Variants in GNL1 observed in about 807,000 individuals in gnomAD.
GNL1 encodes the protein G protein nucleolar 1, also known as guanine nucleotide-binding protein-like 1.
In GNL1, 21 loss-of-function variants were observed where a neutral mutation model predicts 75.2. The observed-to-expected ratio is 0.28, with a 90% confidence interval of 0.20 to 0.40. The LOEUF is 0.40. Ranked by LOEUF, GNL1 falls within the 10% of genes least tolerant of loss-of-function variation. The probability of loss-of-function intolerance (pLI) is 1.00; values close to 1 mark genes in which losing one functional copy is unlikely to be tolerated. For synonymous variants in GNL1, 287 were observed against 303.4 expected, an observed-to-expected ratio of 0.95 and a Z score of 0.56; for missense variants, 579 against 775.0, an observed-to-expected ratio of 0.75 and a Z score of 3.00.
chr6:30,552,114 T>C lies in GNL1; in HGVS notation c.1099+353A>G. 4.0e-6 allele frequency: 1 copy of C among 247,426 alleles called. No individual in the cohort carries two copies. The highest frequency in any genetic ancestry group is 7.7e-5 in the East Asian group (1 of 13,058). 15.3% of individuals were successfully genotyped at this position (247,426 alleles called of 1,614,324 possible). Reference sequence around the variant, plus strand: ...CCTGGTCTCAAGCAATCCTCCCACCTCAGCCTCCCAAAGCGCTGGGACTAT... The same window carrying C: ...CCTGGTCTCAAGCAATCCTCCCACCCCAGCCTCCCAAAGCGCTGGGACTAT... On this transcript the variant is annotated intron_variant, in intron 8 of 11. Coordinates refer to ENST00000376621, the MANE Select transcript of GNL1 (RefSeq NM_005275.5). This position sits in a 1 kb window ranked among gnomAD's most constrained non-coding sequence, Gnocchi z 4.5.
Position 30,555,248 on chromosome 6 carries a change from T to C in GNL1, c.240-57A>G. On this transcript the variant is annotated intron_variant, in intron 2 of 11. Transcript: ENST00000376621. The surrounding 1 kb of genome is among the most constrained non-coding windows in gnomAD (Gnocchi z 4.3). Reference sequence around the variant, plus strand: ...AATCCTGTGGCCACAAACTCCTATTTTCTCCCCTCTTGTACAATCAACTTC... The same window carrying C: ...AATCCTGTGGCCACAAACTCCTATTCTCTCCCCTCTTGTACAATCAACTTC... 6.2e-7 allele frequency: 1 copy of C among 1,604,384 alleles called. No homozygotes were observed. Among genetic ancestry groups the C allele is most frequent in the Non-Finnish European group, 8.5e-7 (1 of 1,172,906 alleles).
chr6:30,552,499 T>A lies in GNL1; in HGVS notation c.1067A>T (p.Tyr356Phe). The change falls in exon 8 of 12, where the codon TAC becomes TTC. Residue 356 changes from tyrosine (Y) to phenylalanine (F), a missense_variant. Physicochemically the swap from Tyr to Phe is conservative, Grantham distance 22 (BLOSUM62 3). Transcript: ENST00000376621. The surrounding 1 kb of genome is among the most constrained non-coding windows in gnomAD (Gnocchi z 4.5). ...GCCGATGGTCACCACCCCATCCTTGTAGCGCTCTTGGGTTGGGCCAGTTGG... is the reference window on the plus strand; with the variant it reads ...GCCGATGGTCACCACCCCATCCTTGAAGCGCTCTTGGGTTGGGCCAGTTGG... ...MEPTGPTQER[Y>F]KDGVVTIGCV... is the part of the protein sequence containing the mutation. 3.1e-6 allele frequency: 5 copies of A among 1,614,042 alleles called. No homozygotes were observed. Among genetic ancestry groups the A allele is most frequent in the Non-Finnish European group, 4.2e-6 (5 of 1,179,918 alleles).
intron 8 of GNL1, among the ~76,000 whole-genome samples, chr6:30,550,949 C>A (rs1462417541): frequency 6.6e-6 from 1 of 152,188 alleles, no homozygotes; most frequent in African/African-American, 2.4e-5. Flanking sequence ...CTCTCAGTCA[C>A]TCTCTATCCC....
intron 8 of GNL1, among the ~76,000 whole-genome samples, chr6:30,550,213 C>G (rs1468614505): frequency 6.6e-6 from 1 of 152,152 alleles, no homozygotes; most frequent in Non-Finnish European, 1.5e-5. Context: ...GTCCTCTTCT[C>G]TCCCCTAAGC....
chr6:30,546,198 C>A lies in GNL1; in HGVS notation c.1698G>T (p.Glu566Asp). 6.5e-7 allele frequency: 1 copy of A among 1,547,034 alleles called. No homozygotes were observed. The highest frequency in any genetic ancestry group is 8.8e-7 in the Non-Finnish European group (1 of 1,136,532). The change falls in exon 12 of 12, where the codon GAG (glutamate) becomes GAT (aspartate). Residue 566 changes from glutamate to aspartate, a missense_variant. Physicochemically the swap from Glu to Asp is conservative, Grantham distance 45. Coordinates refer to ENST00000376621, the MANE Select transcript of GNL1 (RefSeq NM_005275.5). The surrounding 1 kb of genome is among the most constrained non-coding windows in gnomAD (Gnocchi z 5.1). ...EEEELSSSCE[E>D]EGEEDRDADE... ...CCGCATCCCGGTCCTCCTCTCCCTC[C>A]TCCTCACAGGAGCTGCTCAGCTCTT...
rs539992370 is a variant in GNL1 at position 30,542,327 on chromosome 6, A to G, written c.*3745T>C. On this transcript the variant is annotated 3_prime_UTR_variant, in exon 12 of 12. Coordinates refer to ENST00000376621, the MANE Select transcript of GNL1 (RefSeq NM_005275.5). This position sits in a 1 kb window ranked among gnomAD's most constrained non-coding sequence, Gnocchi z 4.5. ...CTTCCTCCCCTAGCTTCATCACACC[A>G]CGTTACTAGGTTTTTCCTGTCTCAC... 1 of 151,536 alleles carries G rather than the reference A, an allele frequency of 6.6e-6. No individual in the cohort carries two copies. The highest frequency in any genetic ancestry group is 1.9e-4 in the East Asian group (1 of 5,138). 9.4% of individuals were successfully genotyped at this position (151,536 alleles called of 1,614,324 possible).
chr6:30,545,976 A>C lies in GNL1; in HGVS notation c.*96T>G. On this transcript the variant is annotated 3_prime_UTR_variant, in exon 12 of 12. Coordinates refer to ENST00000376621, the MANE Select transcript of GNL1 (RefSeq NM_005275.5). ...CTGGGGAAGGGGCTACAAAGCAAACAATCTTTATTCACAATTGGGGTGGCA... is the reference window on the plus strand; with the variant it reads ...CTGGGGAAGGGGCTACAAAGCAAACCATCTTTATTCACAATTGGGGTGGCA... The C allele has an allele frequency of 1.1e-6, 1 of 884,908 alleles. No individual in the cohort carries two copies. The highest frequency in any genetic ancestry group is 1.6e-5 in the South Asian group (1 of 64,512). The allele number at this position is 884,908 out of a possible 1,614,324, so 54.8% of individuals were successfully genotyped here. A position where few individuals can be genotyped will look rare whatever the true frequency, so the allele number is the denominator to read the frequency against.
At position 30,541,768 on chromosome 6, in the gene GNL1, C is replaced by T. The variant is rs139676137; in HGVS notation, c.*4304G>A. 41 of 152,344 alleles carry T rather than the reference C, an allele frequency of 2.7e-4. No individual in the cohort carries two copies. The highest frequency in any genetic ancestry group is 9.4e-4 in the African/African-American group (39 of 41,572). 9.4% of individuals were successfully genotyped at this position (152,344 alleles called of 1,614,324 possible). A position where few individuals can be genotyped will look rare whatever the true frequency, so the allele number is the denominator to read the frequency against. ...GCATATTGCAGTTACTCGTATATTA[C>T]TGACACTGGAACAGACATGTTTTAA... On this transcript the variant is annotated 3_prime_UTR_variant, in exon 12 of 12. Transcript: ENST00000376621.
In GNL1 at chr6:30,556,338, GC is replaced by G; in HGVS notation, c.-136del. ...GCTAGCAGGTGACGTCAGCGGGCGG[GC>G]CCGACAGAATTACCGCCGCGGCGGC... On this transcript the variant is annotated 5_prime_UTR_variant, in exon 1 of 12. Coordinates refer to ENST00000376621, the MANE Select transcript of GNL1 (RefSeq NM_005275.5). The surrounding 1 kb of genome is among the most constrained non-coding windows in gnomAD (Gnocchi z 5.7). The G allele has an allele frequency of 1.0e-6, 1 of 986,746 alleles. No individual in the cohort carries two copies. The allele number at this position is 986,746 out of a possible 1,614,324, so 61.1% of individuals were successfully genotyped here. A position where few individuals can be genotyped will look rare whatever the true frequency, so the allele number is the denominator to read the frequency against.
Position 30,555,460 on chromosome 6 carries a change from C to A in GNL1, c.239+95G>T. ...TAGCGGAGAACTGTGGCATCCCAGG[C>A]CCACCGTCTTCACCAGTAGCAGCCC... On this transcript the variant is annotated intron_variant, in intron 2 of 11. Coordinates refer to ENST00000376621, the MANE Select transcript of GNL1 (RefSeq NM_005275.5). This position sits in a 1 kb window ranked among gnomAD's most constrained non-coding sequence, Gnocchi z 4.3. The A allele has an allele frequency of 3.2e-6, 4 of 1,264,412 alleles. No individual in the cohort carries two copies. The highest frequency in any genetic ancestry group is 4.4e-6 in the Non-Finnish European group (4 of 899,332). The allele number at this position is 1,264,412 out of a possible 1,614,324, so 78.3% of individuals were successfully genotyped here.
In GNL1 at chr6:30,546,847, A is replaced by G; in HGVS notation, c.1442-11T>C. 2 of 1,581,320 alleles carry G rather than the reference A, an allele frequency of 1.3e-6. No individual in the cohort carries two copies. Among genetic ancestry groups the G allele is most frequent in the Non-Finnish European group, 1.7e-6 (2 of 1,159,362 alleles). On this transcript the variant is annotated splice_polypyrimidine_tract_variant and intron_variant, in intron 10 of 11. Transcript: ENST00000376621. This position sits in a 1 kb window ranked among gnomAD's most constrained non-coding sequence, Gnocchi z 5.1. ...GTTTCTCTGCCCAGGCTGGAGGAAG[A>G]AAAGAATAATGGAAAGGGAAAGCAT...
intron 5 of GNL1, among the ~76,000 whole-genome samples, chr6:30,553,791 AACAAG>A (rs940936993): frequency 6.6e-6 from 1 of 152,218 alleles, no homozygotes; most frequent in African/African-American, 2.4e-5. Context: ...ATGAACCCAA[AACAAG>A]ACAAGGAAAC....
At position 30,541,664 on chromosome 6, in the gene GNL1, G is replaced by A. The variant is rs751909540; in HGVS notation, c.*4408C>T. 1 of 152,248 alleles carries A rather than the reference G, an allele frequency of 6.6e-6. No homozygotes were observed. The highest frequency in any genetic ancestry group is 1.5e-5 in the Non-Finnish European group (1 of 68,040). The allele number at this position is 152,248 out of a possible 1,614,324, so 9.4% of individuals were successfully genotyped here. On this transcript the variant is annotated 3_prime_UTR_variant, in exon 12 of 12. Transcript: ENST00000376621. ...GCTGCAAAGCTTCTCAAATGCAGCGGGAAGTCCATTTACCAACGGCTGTTG... is the reference window on the plus strand; with the variant it reads ...GCTGCAAAGCTTCTCAAATGCAGCGAGAAGTCCATTTACCAACGGCTGTTG...
Position 30,553,538 on chromosome 6 carries a change from G to T in GNL1, c.620C>A (p.Ala207Glu), listed in dbSNP as rs1467962715. 7 of 1,612,356 alleles carry T rather than the reference G, an allele frequency of 4.3e-6. No homozygotes were observed. The highest frequency in any genetic ancestry group is 5.9e-6 in the Non-Finnish European group (7 of 1,179,406). ...IRHPVVNFPP[A>E]LYEYVTGELG... The stretch of plus-strand genomic sequence containing the variant: ...TTCTCCAGTCACATACTCATAAAGT[G>T]CTGGCGGGAAATTCACAACCTAGGA... Residue 207 changes from alanine (A) to glutamate (E), a missense_variant, in exon 6 of 12, where the codon GCA becomes GAA. Ala to Glu is a moderately radical substitution (Grantham distance 107). Transcript: ENST00000376621.
Position 30,553,158 on chromosome 6 carries a change from C to G in GNL1, c.830G>C (p.Arg277Pro), listed in dbSNP as rs201780688. The G allele has an allele frequency of 6.8e-6, 11 of 1,613,320 alleles. No homozygotes were observed. The highest frequency in any genetic ancestry group is 4.0e-5 in the African/African-American group (3 of 74,922). Residue 277 changes from arginine to proline, a missense_variant, in exon 7 of 12, where the codon CGG becomes CCG. Transcript: ENST00000376621. ...CAGGGCCCGAGTCCATCCTCTCCCC[C>G]GCCTCCGACTCTTCTTCAAGACTGA... ...PSSVLKKSRR[R>P]GRGWTRALGP...
At chr6:30,549,539 CCA>C (rs1288005809) in intron 8 of GNL1, among the ~76,000 whole-genome samples, 2 of 152,162 alleles carry the variant, frequency 1.3e-5, no homozygotes, top group East Asian at 1.9e-4. Context: ...TGGGCCTACT[CCA>C]GTTTGGCTTT....
In GNL1 at chr6:30,546,560, A is replaced by G; in HGVS notation, c.1582+136T>C. The G allele has an allele frequency of 1.3e-6, 1 of 780,524 alleles. No homozygotes were observed. The highest frequency in any genetic ancestry group is 2.1e-6 in the Non-Finnish European group (1 of 469,036). 48.3% of individuals were successfully genotyped at this position (780,524 alleles called of 1,614,324 possible). A position where few individuals can be genotyped will look rare whatever the true frequency, so the allele number is the denominator to read the frequency against. ...ATTACCCTCAGTTTGCAGATCAGGAAAATATCACAGATGTTAAGTAACAGA... is the reference window on the plus strand; with the variant it reads ...ATTACCCTCAGTTTGCAGATCAGGAGAATATCACAGATGTTAAGTAACAGA... On this transcript the variant is annotated intron_variant, in intron 11 of 11. Coordinates refer to ENST00000376621, the MANE Select transcript of GNL1 (RefSeq NM_005275.5). The surrounding 1 kb of genome is among the most constrained non-coding windows in gnomAD (Gnocchi z 5.1).
Position 30,552,977 on chromosome 6 carries a change from C to T in GNL1, c.904+107G>A, listed in dbSNP as rs1179556719. The T allele has an allele frequency of 3.7e-6, 3 of 801,576 alleles. No homozygotes were observed. The highest frequency in any genetic ancestry group is 6.3e-6 in the Non-Finnish European group (3 of 476,406). The allele number at this position is 801,576 out of a possible 1,614,324, so 49.7% of individuals were successfully genotyped here. A position where few individuals can be genotyped will look rare whatever the true frequency, so the allele number is the denominator to read the frequency against. On this transcript the variant is annotated intron_variant, in intron 7 of 11. Transcript: ENST00000376621. This position sits in a 1 kb window ranked among gnomAD's most constrained non-coding sequence, Gnocchi z 4.5. Reference sequence around the variant, plus strand: ...TTCTGTCCCTTCCCCTGGCCTCTTGCACATATCCACCATAGAGGGGTTGGC... The same window carrying T: ...TTCTGTCCCTTCCCCTGGCCTCTTGTACATATCCACCATAGAGGGGTTGGC...
At position 30,546,779 on chromosome 6, in the gene GNL1, C is replaced by T; in HGVS notation, c.1499G>A (p.Arg500Lys). 6.2e-7 allele frequency: 1 copy of T among 1,600,340 alleles called. No individual in the cohort carries two copies. Among genetic ancestry groups the T allele is most frequent in the Middle Eastern group, 1.7e-4 (1 of 6,020 alleles). The change falls in exon 11 of 12, where the codon AGA (arginine) becomes AAA (lysine). Residue 500 changes from arginine (R) to lysine (K), a missense_variant. Coordinates refer to ENST00000376621, the MANE Select transcript of GNL1 (RefSeq NM_005275.5). The surrounding 1 kb of genome is among the most constrained non-coding windows in gnomAD (Gnocchi z 5.1). ...CAGCCGCAAGAGACTGTTGGCTGCT[C>T]TGTACACATCATTCCGAGCCGCCTT... ...TAKAARNDVY[R>K]AANSLLRLAV...
Sources: allele counts gnomAD v4.1 joint callset (sites outside exome capture counted in the v4.1 genomes callset), GRCh38; gene constraint gnomAD v4.1.1; non-coding constraint Gnocchi (gnomAD v3.1); transcripts MANE v1.5; gene names NCBI Gene and HGNC (gene_info 2026-07-23, HGNC 2026-07-21).